The following STK11 variants were observed in gnomAD, a reference collection of about 807,000 sequenced individuals.
STK11 encodes serine/threonine-protein kinase STK11.
STK11 carries 8 observed loss-of-function variants against 47.3 expected under a neutral mutation model. The observed-to-expected ratio is 0.17, with a 90% CI of 0.10 to 0.31. The LOEUF (loss-of-function observed/expected upper bound fraction) is 0.31, where lower values mean the gene tolerates loss of function less well. Among genes scored for constraint, STK11 ranks in the 10% least tolerant of loss-of-function variants. STK11 has a pLI of 1.00. For missense variants in STK11, 475 were observed against 605.0 expected, an observed-to-expected ratio of 0.79 and a Z score of 2.25; for synonymous variants, 330 against 255.8, an observed-to-expected ratio of 1.29 and a Z score of -2.77.
At chr19:1,220,331 C>G in intron 3 of STK11, 42 bp from the exon 4 acceptor site, 1 of 1,577,092 alleles carries the variant, frequency 6.3e-7, no homozygotes, top group South Asian at 1.2e-5. Context: ...CTGTGAGGGG[C>G]AGGGAGGCCT....
In STK11 at chr19:1,227,857, C is replaced by A; in HGVS notation, c.*281C>A. ...GCGGGCGTGGGAGGAGGGAGGCGGC[C>A]TCCATGCACTTTATGTGGAGACTAC... On this transcript the variant is annotated 3_prime_UTR_variant, in exon 10 of 10. Coordinates refer to ENST00000326873, the MANE Select transcript of STK11 (RefSeq NM_000455.5). 1.9e-6 allele frequency: 2 copies of A among 1,069,976 alleles called. No individual in the cohort carries two copies. The highest frequency in any genetic ancestry group is 2.3e-6 in the Non-Finnish European group (2 of 882,186). The allele number at this position is 1,069,976 out of a possible 1,614,324, so 66.3% of individuals were successfully genotyped here. A position where few individuals can be genotyped will look rare whatever the true frequency, so the allele number is the denominator to read the frequency against.
intron 8 of STK11, chr19:1,223,864 T>C: frequency 9.8e-7 from 1 of 1,020,356 alleles, no homozygotes; most frequent in Non-Finnish European, 1.2e-6. Context: ...TCATAAAGAG[T>C]TTTGCAGTGT....
intron 3 of STK11, 77 bp downstream of exon 3, chr19:1,219,490 C>G: frequency 6.9e-7 from 1 of 1,444,344 alleles, no homozygotes; most frequent in South Asian, 1.2e-5. Flanking sequence ...CGTGAGGCCA[C>G]ACTGCTTGTC....
At chr19:1,209,853 G>C (rs768486653) in intron 1 of STK11, among the ~76,000 whole-genome samples, 1 of 152,122 alleles carries the variant, frequency 6.6e-6, no homozygotes, top group African/African-American at 2.4e-5. Flanking sequence ...CTGGGAGAAC[G>C]GGAGGGAACA....
rs741764 is a variant in STK11, at chr19:1,221,485, C to T, written c.862+145C>T. 0.24 allele frequency: 307,210 copies of T among 1,295,684 alleles called. 39,281 individuals carry two copies. Among genetic ancestry groups the T allele is most frequent in the East Asian group, 0.54 (21,066 of 38,970 alleles). The allele number at this position is 1,295,684 out of a possible 1,614,324, so 80.3% of individuals were successfully genotyped here. A position where few individuals can be genotyped will look rare whatever the true frequency, so the allele number is the denominator to read the frequency against. The stretch of plus-strand genomic sequence containing the variant: ...GACTGAGTGGAGAGGCCGACCTCCC[C>T]GCAGGGCCTGGTTTGCCAGGTCCCT... On this transcript the variant is annotated intron_variant, in intron 6 of 9. Coordinates refer to ENST00000326873, the MANE Select transcript of STK11 (RefSeq NM_000455.5).
rs2080666184 is a variant in STK11, at chr19:1,206,512, T to TA, written c.-401dup. The TA allele has an allele frequency of 3.5e-6, 1 of 285,422 alleles. No individual in the cohort carries two copies. Among genetic ancestry groups the TA allele is most frequent in the South Asian group, 7.9e-5 (1 of 12,588 alleles). The allele number at this position is 285,422 out of a possible 1,614,324, so 17.7% of individuals were successfully genotyped here. A position where few individuals can be genotyped will look rare whatever the true frequency, so the allele number is the denominator to read the frequency against. Reference sequence around the variant, plus strand: ...AGAAGACTGCGCTCGGCCGTGTTCATACTTGTCCGTGGGCCTGAGGTCCCC... The same window carrying TA: ...AGAAGACTGCGCTCGGCCGTGTTCATAACTTGTCCGTGGGCCTGAGGTCCCC... On this transcript the variant is annotated 5_prime_UTR_variant, in exon 1 of 10. An upstream open reading frame in the 5' UTR loses its in-frame stop. Transcript: ENST00000326873.
chr19:1,208,306 A>ATTTTTTTTT (rs61525470), intron 1 of STK11, among the ~76,000 whole-genome samples: 1 of 115,980 alleles, frequency 8.6e-6, no homozygotes, highest in African/African-American at 3.3e-5. Flanking sequence ...GCTCACGTAC[A>ATTTTTTTTT]TTTTTTTTTT....
chr19:1,219,920 C>T (rs1274287031), intron 3 of STK11: 1 of 192,202 alleles, frequency 5.2e-6, no homozygotes, highest in East Asian at 1.4e-4. Flanking sequence ...CTGCTGCCAA[C>T]CTCCCGCCTC....
intron 7 of STK11, among the ~76,000 whole-genome samples, chr19:1,222,435 C>T (rs545125572): frequency 7.9e-5 from 12 of 152,346 alleles, no homozygotes; most frequent in Admixed American, 2.6e-4. Context: ...GTGCCGCCTC[C>T]CTCACTTCGT....
At position 1,207,204 on chromosome 19, in the gene STK11, G is replaced by A. The variant is rs1131690950; in HGVS notation, c.290+1G>A. On this transcript the variant is annotated splice_donor_variant, in intron 1 of 9. Coordinates refer to ENST00000326873, the MANE Select transcript of STK11 (RefSeq NM_000455.5). LOFTEE classifies it high-confidence loss of function. ...CCAACGGGGAGGCCAACGTGAAGAA[G>A]TAAGTATGGCTTGCTGGGGTCGGGG... is the stretch of plus-strand genomic sequence containing the variant. 1 of 1,600,148 alleles carries A rather than the reference G, an allele frequency of 6.2e-7. No homozygotes were observed. The highest frequency in any genetic ancestry group is 1.3e-5 in the African/African-American group (1 of 74,684).
In STK11 at chr19:1,206,503, C is replaced by T. The variant is rs1410711325; in HGVS notation, c.-411C>T. On this transcript the variant is annotated 5_prime_UTR_variant, in exon 1 of 10. Transcript: ENST00000326873. ...GCGGCCCGGAGAAGACTGCGCTCGG[C>T]CGTGTTCATACTTGTCCGTGGGCCT... 2.6e-5 allele frequency: 7 copies of T among 264,770 alleles called. No individual in the cohort carries two copies. Among genetic ancestry groups the T allele is most frequent in the Non-Finnish European group, 5.1e-5 (7 of 137,182 alleles). The allele number at this position is 264,770 out of a possible 1,614,324, so 16.4% of individuals were successfully genotyped here.
In STK11 at chr19:1,224,543, G is replaced by C. The variant is rs10404495; in HGVS notation, c.1108+1371G>C. 4,029 of 985,496 alleles carry C rather than the reference G, an allele frequency of 4.1e-3. 118 individuals are homozygous for C. The African/African-American group carries it at 0.066, about 16-fold the overall frequency. The allele number at this position is 985,496 out of a possible 1,614,324, so 61.0% of individuals were successfully genotyped here. On this transcript the variant is annotated intron_variant, in intron 8 of 9. Coordinates refer to ENST00000326873, the MANE Select transcript of STK11 (RefSeq NM_000455.5). ...GCCAGTTAGGGCAGGGCCAGCCCAGGCAGGTTGCGAGAGTCCCTACTGGGA... is the reference window on the plus strand; with the variant it reads ...GCCAGTTAGGGCAGGGCCAGCCCAGCCAGGTTGCGAGAGTCCCTACTGGGA...
intron 1 of STK11, among the ~76,000 whole-genome samples, chr19:1,217,877 A>G (rs182276010): frequency 1.4e-3 from 209 of 152,310 alleles, no homozygotes; most frequent in African/African-American, 4.8e-3. Flanking sequence ...TTACTGAGTT[A>G]CAAAGCTCAA....
intron 1 of STK11, among the ~76,000 whole-genome samples, chr19:1,217,745 G>A (rs2080754106): frequency 6.6e-6 from 1 of 152,208 alleles, no homozygotes; most frequent in South Asian, 2.1e-4. Flanking sequence ...GCCCTTGGCT[G>A]CGTGGGACTG....
chr19:1,213,923 C>A (rs894440505), intron 1 of STK11, among the ~76,000 whole-genome samples: 1 of 152,230 alleles, frequency 6.6e-6, no homozygotes, highest in Non-Finnish European at 1.5e-5. Flanking sequence ...TGATCTGTTT[C>A]TAGGCAGACG....
At chr19:1,214,241 C>T (rs1036171865) in intron 1 of STK11, among the ~76,000 whole-genome samples, 10 of 152,206 alleles carry the variant, frequency 6.6e-5, no homozygotes, top group East Asian at 3.9e-4. Flanking sequence ...CCCATCATCC[C>T]GGAGGTGACT....
intron 1 of STK11, among the ~76,000 whole-genome samples, chr19:1,217,289 C>CT (rs1186596036): frequency 6.6e-6 from 1 of 152,068 alleles, no homozygotes; most frequent in African/African-American, 2.4e-5. Flanking sequence ...TCACAGGTAA[C>CT]TACAGGCTCA....
In STK11 at chr19:1,219,444, G is replaced by GTGGGGGC. The variant is rs1265886176; in HGVS notation, c.464+31_464+32insTGGGGGC. ...TGCGCGGGGCAGGGGCCAGGGTGGGGCGGGGGCCGGGGGCCAGGCAGGGCA... is the reference window on the plus strand; with the variant it reads ...TGCGCGGGGCAGGGGCCAGGGTGGGGTGGGGGCCGGGGGCCGGGGGCCAGGCAGGGCA... On this transcript the variant is annotated intron_variant, in intron 3 of 9. Coordinates refer to ENST00000326873, the MANE Select transcript of STK11 (RefSeq NM_000455.5). The GTGGGGGC allele has an allele frequency of 4.6e-6, 6 of 1,304,802 alleles. No individual in the cohort carries two copies. In the East Asian group the frequency reaches 1.6e-4, roughly 34 times the overall value. The allele number at this position is 1,304,802 out of a possible 1,614,324, so 80.8% of individuals were successfully genotyped here. A position where few individuals can be genotyped will look rare whatever the true frequency, so the allele number is the denominator to read the frequency against.
chr19:1,206,008 A>T lies in STK11; in HGVS notation c.-906A>T, dbSNP rs1308471165. 4.1e-5 allele frequency: 6 copies of T among 145,168 alleles called. No individual in the cohort carries two copies. Among genetic ancestry groups the T allele is most frequent in the Admixed American group, 2.7e-4 (4 of 14,700 alleles). 9.0% of individuals were successfully genotyped at this position (145,168 alleles called of 1,614,324 possible). On this transcript the variant is annotated 5_prime_UTR_variant, in exon 1 of 10. Transcript: ENST00000326873. The stretch of plus-strand genomic sequence containing the variant: ...CACCTTCGGGAACCCCCCGGCCCGG[A>T]GCCTGCGGCCTGCGCCGCCTCGGCC...
Sources: allele counts gnomAD v4.1 joint callset (sites outside exome capture counted in the v4.1 genomes callset), GRCh38; gene constraint gnomAD v4.1.1; transcripts MANE v1.5; gene names NCBI Gene and HGNC (gene_info 2026-07-23, HGNC 2026-07-21).